ADAM23: variants seen among roughly 807,000 people sequenced by gnomAD.
The protein encoded by ADAM23 is disintegrin and metalloproteinase domain-containing protein 23.
In ADAM23, 33 loss-of-function variants were observed where a neutral mutation model predicts 120.1. The observed-to-expected ratio is 0.27, with a 90% CI of 0.21 to 0.37. ADAM23 has a LOEUF of 0.37. ADAM23 is among the 10% of genes least tolerant of loss of function. The pLI is 1.00. For missense variants in ADAM23, 862 were observed against 1,058.2 expected, an observed-to-expected ratio of 0.81 and a Z score of 2.57; for synonymous variants, 367 against 375.2, an observed-to-expected ratio of 0.98 and a Z score of 0.25.
chr2:206,603,326 C>T (rs1029387428), intron 24 of ADAM23, among the ~76,000 whole-genome samples: 2 of 152,166 alleles, frequency 1.3e-5, no homozygotes, highest in East Asian at 1.9e-4. Context: ...TGCACAAGTT[C>T]CTACTTGCCA....
At chr2:206,460,953 A>T (rs1160410808) in intron 2 of ADAM23, among the ~76,000 whole-genome samples, 3 of 151,962 alleles carry the variant, frequency 2.0e-5, no homozygotes, top group Non-Finnish European at 4.4e-5. Flanking sequence ...AATTTTTTGC[A>T]TGTGGATGTC....
intron 2 of ADAM23, among the ~76,000 whole-genome samples, chr2:206,477,897 A>AAAAAAAAAAAAAAT (rs374524658): frequency 1.1e-5 from 1 of 93,604 alleles, no homozygotes; most frequent in African/African-American, 5.2e-5. Flanking sequence ...AAAAAAAAAA[A>AAAAAAAAAAAAAAT]ATATATATAT....
In ADAM23 at chr2:206,471,467, G is replaced by A. The variant is rs544208448; in HGVS notation, c.433-9765G>A. Among the ~76,000 whole-genome samples, 8 of 152,246 alleles carry A rather than the reference G, an allele frequency of 5.3e-5. No individual in the cohort carries two copies. In the South Asian group the frequency reaches 1.7e-3, roughly 32 times the overall value. On this transcript the variant is annotated intron_variant, in intron 2 of 25. Transcript: ENST00000264377. Reference sequence around the variant, plus strand: ...GAAGTAGGACTCCTTAAGGAGGGTTGCCTCACATGAGGCTTTTTTTTTCTT... The same window carrying A: ...GAAGTAGGACTCCTTAAGGAGGGTTACCTCACATGAGGCTTTTTTTTTCTT...
intron 7 of ADAM23, 82 bp downstream of exon 7, chr2:206,547,583 G>A: frequency 1.7e-6 from 2 of 1,203,572 alleles, no homozygotes; most frequent in South Asian, 2.9e-5. Context: ...ATGCAGGCTT[G>A]TTGGAAGTGG....
chr2:206,543,413 T>C, intron 6 of ADAM23, 97 bp downstream of exon 6: 2 of 1,014,390 alleles, frequency 2.0e-6, no homozygotes, highest in Non-Finnish European at 3.0e-6. Context: ...TCAAAGTGCC[T>C]TTGTACATGT....
At chr2:206,605,866 AG>A in intron 24 of ADAM23, 1 of 687,206 alleles carries the variant, frequency 1.5e-6, no homozygotes, top group Non-Finnish European at 2.6e-6. Context: ...TTGGAGGCAC[AG>A]GGTGGGGAAT....
At chr2:206,492,292 G>A (rs540091276) in intron 3 of ADAM23, among the ~76,000 whole-genome samples, 3 of 152,182 alleles carry the variant, frequency 2.0e-5, no homozygotes, top group Non-Finnish European at 4.4e-5. Context: ...AGGCTTGAAG[G>A]GGGAGAGAGT....
Position 206,542,063 on chromosome 2 carries a change from C to T in ADAM23, c.585C>T (p.His195=). 6.2e-7 allele frequency: 1 copy of T among 1,614,130 alleles called. No individual in the cohort carries two copies. Among genetic ancestry groups the T allele is most frequent in the Admixed American group, 1.7e-5 (1 of 60,026 alleles). Residue 195 remains histidine, a synonymous_variant, in exon 5 of 26, where the codon CAC becomes CAT. Coordinates refer to ENST00000264377, the MANE Select transcript of ADAM23 (RefSeq NM_003812.4). ...GKPQYSKGGE[H]CYYHGSIRGV... is the part of the protein sequence containing the mutation. The stretch of plus-strand genomic sequence containing the variant: ...AACCTGCTTTCCAGGGTGGAGAGCA[C>T]TGTTACTACCATGGAAGCATCAGAG...
In ADAM23 at chr2:206,557,566, T is replaced by C. The variant is rs987231815; in HGVS notation, c.1005+68T>C. Reference sequence around the variant, plus strand: ...TGGTTTATCTCTATTTGCTTACTTGTACTTTAGGTATTTCTTGAACAAATT... The same window carrying C: ...TGGTTTATCTCTATTTGCTTACTTGCACTTTAGGTATTTCTTGAACAAATT... On this transcript the variant is annotated intron_variant, in intron 10 of 25. Coordinates refer to ENST00000264377, the MANE Select transcript of ADAM23 (RefSeq NM_003812.4). 2.0e-5 allele frequency: 27 copies of C among 1,369,496 alleles called. No individual in the cohort carries two copies. The Middle Eastern group carries it at 1.8e-3, about 90-fold the overall frequency. The allele number at this position is 1,369,496 out of a possible 1,614,324, so 84.8% of individuals were successfully genotyped here.
intron 3 of ADAM23, among the ~76,000 whole-genome samples, chr2:206,517,982 C>G (rs1696768474): frequency 6.6e-6 from 1 of 152,172 alleles, no homozygotes. Context: ...CTTCTGGAAT[C>G]TTACAAAGGT....
chr2:206,477,880 T>TAAAAAAAAAAAAAAAA (rs71034456), intron 2 of ADAM23, among the ~76,000 whole-genome samples: 1 of 109,208 alleles, frequency 9.2e-6, no homozygotes, highest in African/African-American at 3.9e-5. Flanking sequence ...AATATTCTGT[T>TAAAAAAAAAAAAAAAA]AAAAAAAAAA....
chr2:206,486,471 A>T (rs72933255), intron 3 of ADAM23, among the ~76,000 whole-genome samples: 7,028 of 152,102 alleles, frequency 0.046, 229 homozygotes, highest in Middle Eastern at 0.11. Context: ...AAGTCTCAGA[A>T]GGTCTGAGGA....
intron 1 of ADAM23, among the ~76,000 whole-genome samples, chr2:206,444,854 C>T (rs892183017): frequency 6.6e-6 from 1 of 152,048 alleles, no homozygotes; most frequent in African/African-American, 2.4e-5. Flanking sequence ...CTCAAGTTAT[C>T]TTAGGAGCGT....
At chr2:206,547,013 C>T (rs958980443) in intron 6 of ADAM23, among the ~76,000 whole-genome samples, 2 of 152,006 alleles carry the variant, frequency 1.3e-5, no homozygotes, top group African/African-American at 4.8e-5. Flanking sequence ...TTTGGCCTTA[C>T]AATGGTAATT....
Position 206,609,540 on chromosome 2 carries a change from C to G in ADAM23, c.2360-370C>G, listed in dbSNP as rs555936632. Among the ~76,000 whole-genome samples, 11 of 152,230 alleles carry G rather than the reference C, an allele frequency of 7.2e-5. 1 individual carries two copies. In the Middle Eastern group the frequency reaches 0.017, roughly 235 times the overall value. The stretch of plus-strand genomic sequence containing the variant: ...GCCCCCATTTGTGAGTCAGATGGAG[C>G]TTGTCTGAATGCGATGGTGTTCTCT... On this transcript the variant is annotated intron_variant, in intron 24 of 25. Coordinates refer to ENST00000264377, the MANE Select transcript of ADAM23 (RefSeq NM_003812.4).
intron 2 of ADAM23, among the ~76,000 whole-genome samples, chr2:206,470,761 A>G (rs1040324182): frequency 4.6e-5 from 7 of 152,206 alleles, no homozygotes; most frequent in African/African-American, 1.7e-4. Flanking sequence ...ATAGTCGTAG[A>G]TGAGGTCAGA....
In ADAM23 at chr2:206,617,678, A is replaced by T. The variant is rs770422510; in HGVS notation, c.*51A>T. ...CTTGCACTGTTGGATTCTGGGTATG[A>T]CATACTCGCAGCAGTGTTACTGGAA... is the stretch of plus-strand genomic sequence containing the variant. On this transcript the variant is annotated 3_prime_UTR_variant, in exon 26 of 26. Coordinates refer to ENST00000264377, the MANE Select transcript of ADAM23 (RefSeq NM_003812.4). The T allele has an allele frequency of 6.2e-7, 1 of 1,609,248 alleles. No homozygotes were observed. Among genetic ancestry groups the T allele is most frequent in the African/African-American group, 1.3e-5 (1 of 74,946 alleles).
chr2:206,488,978 G>A (rs1265389271), intron 3 of ADAM23, among the ~76,000 whole-genome samples: 3 of 152,188 alleles, frequency 2.0e-5, no homozygotes, highest in Non-Finnish European at 4.4e-5. Flanking sequence ...GGGAGTCCCT[G>A]GATCCTAAGG....
At chr2:206,532,153 A>G (rs1697077735) in intron 4 of ADAM23, among the ~76,000 whole-genome samples, 1 of 152,126 alleles carries the variant, frequency 6.6e-6, no homozygotes, top group Non-Finnish European at 1.5e-5. Context: ...GCTTCCTGGC[A>G]TTTGTACAAA....
Sources: gnomAD v4.1 joint callset for allele counts (sites outside exome capture counted in the v4.1 genomes callset) on GRCh38, gnomAD v4.1.1 for gene constraint, MANE v1.5 for transcripts, NCBI Gene and HGNC (gene_info 2026-07-23, HGNC 2026-07-21) for gene names.